The following TLR6 variants were observed in gnomAD, a reference collection of about 807,000 sequenced individuals.
The protein encoded by TLR6 is toll-like receptor 6.
A neutral mutation model predicts 16.1 loss-of-function variants in TLR6; 9 were observed. The ratio of observed to expected loss-of-function variants is 0.56; its 90% CI spans 0.34 to 0.98. The LOEUF is 0.98. TLR6 is among the 50% of genes least tolerant of loss of function. TLR6 has a pLI of 0.02. For synonymous variants in TLR6, 340 were observed against 338.6 expected, an observed-to-expected ratio of 1.00 and a Z score of -0.04; for missense variants, 786 against 921.0, an observed-to-expected ratio of 0.85 and a Z score of 1.90.
chr4:38,857,504 CAGAAGT>C (rs1481107644), upstream of TLR6, among the ~76,000 whole-genome samples: 6 of 152,020 alleles, frequency 3.9e-5, no homozygotes, highest in East Asian at 1.2e-3. Context: ...GGCTGATTAC[CAGAAGT>C]CTCTGGTTAA....
chr4:38,855,076 G>A (rs1430328105), intron 1 of TLR6, among the ~76,000 whole-genome samples: 1 of 152,046 alleles, frequency 6.6e-6, no homozygotes, highest in East Asian at 1.9e-4. Context: ...GCCGGGCGTG[G>A]TGGCGGGCGC....
chr4:38,858,149 C>T (rs903219256), upstream of TLR6, among the ~76,000 whole-genome samples: 12 of 152,138 alleles, frequency 7.9e-5, no homozygotes, highest in African/African-American at 1.7e-4. Context: ...CAAGTAATAG[C>T]GAAGATGGCA....
the TLR6 span, among the ~76,000 whole-genome samples, chr4:38,864,782 C>T: frequency 8.1e-4 from 124 of 152,198 alleles, 1 homozygote; most frequent in African/African-American, 2.8e-3. Context: ...GAGGCTGAGG[C>T]GGGAGGATTG....
At chr4:38,851,710 A>T (rs1303902348) in intron 1 of TLR6, among the ~76,000 whole-genome samples, 1 of 152,234 alleles carries the variant, frequency 6.6e-6, no homozygotes, top group Non-Finnish European at 1.5e-5. Flanking sequence ...AAGGAGAACT[A>T]CAAACCACTG....
rs140887815 is a variant in TLR6, at chr4:38,830,715, A to T, written c.-64-1178T>A. 2.6e-5 allele frequency among the ~76,000 whole-genome samples: 4 copies of T among 152,176 alleles called. No individual in the cohort carries two copies. In the South Asian group the frequency reaches 8.3e-4, roughly 31 times the overall value. On this transcript the variant is annotated intron_variant, in intron 1 of 1. Coordinates refer to ENST00000436693, the Ensembl canonical transcript of TLR6. ...GGGTGACAGAATGAGACCCTGTCAA[A>T]AAATAAATAAATAAATAAATAAAAC...
At chr4:38,862,672 T>C in the TLR6 span, among the ~76,000 whole-genome samples, 1 of 141,270 alleles carries the variant, frequency 7.1e-6, no homozygotes, top group Non-Finnish European at 1.5e-5. Context: ...CTCAGCTCAC[T>C]GCAACCTCCG....
the TLR6 span, among the ~76,000 whole-genome samples, chr4:38,861,997 T>C: frequency 4.6e-5 from 7 of 152,218 alleles, no homozygotes; most frequent in Non-Finnish European, 1.0e-4. Context: ...ACATTCTTGT[T>C]GAAAACCAAC....
At chr4:38,831,196 A>T (rs1711556569) in intron 1 of TLR6, among the ~76,000 whole-genome samples, 1 of 152,146 alleles carries the variant, frequency 6.6e-6, no homozygotes, top group African/African-American at 2.4e-5. Context: ...CCACAAAAAA[A>T]TAATCAACTG....
chr4:38,827,468 A>G (rs1335666091), exon 2 of TLR6: 2 of 1,614,066 alleles, frequency 1.2e-6, no homozygotes, highest in Admixed American at 1.7e-5. Flanking sequence ...ACAAATCTGT[A>G]TATCTTCTTT....
intron 1 of TLR6, among the ~76,000 whole-genome samples, chr4:38,843,101 G>A (rs906647561): frequency 2.0e-5 from 3 of 152,156 alleles, no homozygotes; most frequent in African/African-American, 2.4e-5. Flanking sequence ...AGAAAGCCTC[G>A]TTGCATTACA....
At chr4:38,834,522 C>T (rs1465827715) in intron 1 of TLR6, among the ~76,000 whole-genome samples, 3 of 152,028 alleles carry the variant, frequency 2.0e-5, no homozygotes, top group Non-Finnish European at 2.9e-5. Flanking sequence ...GAGGTATAGA[C>T]ATCCAGATAC....
exon 2 of TLR6, chr4:38,826,855 T>C (rs1461547105): frequency 2.5e-6 from 1 of 403,250 alleles, no homozygotes; most frequent in African/African-American, 2.0e-5. Flanking sequence ...CAAAAGAGAC[T>C]GTTTCAATTT....
At chr4:38,841,209 C>T (rs1307180027) in intron 1 of TLR6, among the ~76,000 whole-genome samples, 1 of 151,936 alleles carries the variant, frequency 6.6e-6, no homozygotes, top group Non-Finnish European at 1.5e-5. Flanking sequence ...TTAGAGAGTT[C>T]TGATTTATTT....
At chr4:38,828,758 A>C (rs763565982) in exon 2 of TLR6, 17 of 1,613,646 alleles carry the variant, frequency 1.1e-5, no homozygotes, top group Non-Finnish European at 9.3e-6. Context: ...TAAAAATTTA[A>C]TGAAAACTTG....
chr4:38,827,538 T>C, exon 2 of TLR6: 1 of 1,614,206 alleles, frequency 6.2e-7, no homozygotes. Flanking sequence ...CTATATGAAA[T>C]AAAAGCATGA....
At chr4:38,839,266 C>CAA (rs973045073) in intron 1 of TLR6, among the ~76,000 whole-genome samples, 1 of 143,616 alleles carries the variant, frequency 7.0e-6, no homozygotes, top group African/African-American at 2.7e-5. Flanking sequence ...ACTAAATAGA[C>CAA]AAAAAAAAAC....
chr4:38,838,458 C>G (rs1272757300), intron 1 of TLR6, among the ~76,000 whole-genome samples: 1 of 152,060 alleles, frequency 6.6e-6, no homozygotes, highest in African/African-American at 2.4e-5. Context: ...TATGGATGGA[C>G]CTGGAGGTCA....
At chr4:38,828,778 A>T (rs746441971) in exon 2 of TLR6, 1 of 1,613,766 alleles carries the variant, frequency 6.2e-7, no homozygotes, top group Non-Finnish European at 8.5e-7. Context: ...GACAGTTGTC[A>T]TCATTCAATT....
At chr4:38,855,043 TA>T (rs546122194) in intron 1 of TLR6, among the ~76,000 whole-genome samples, 13 of 149,872 alleles carry the variant, frequency 8.7e-5, no homozygotes, top group Non-Finnish European at 1.8e-4. Flanking sequence ...CCGTCTCTAC[TA>T]AAAAAAAATA....
Sources: allele counts gnomAD v4.1 joint callset (sites outside exome capture counted in the v4.1 genomes callset), GRCh38; gene constraint gnomAD v4.1.1; transcripts MANE v1.5; gene names NCBI Gene and HGNC (gene_info 2026-07-23, HGNC 2026-07-21).